Variants in GFPT1 observed in about 807,000 individuals in gnomAD.
GFPT1 encodes the protein glutamine--fructose-6-phosphate aminotransferase [isomerizing] 1.
Under a neutral mutation model 92.0 loss-of-function variants are expected in GFPT1, and 40 were observed. The ratio of observed to expected loss-of-function variants is 0.43; its 90% CI spans 0.34 to 0.57. The LOEUF is 0.57. Among genes scored for constraint, GFPT1 ranks in the 20% least tolerant of loss-of-function variants. The pLI, the probability that GFPT1 is intolerant of heterozygous loss-of-function variation, is 0.02. For missense variants in GFPT1, 448 were observed against 869.1 expected, an observed-to-expected ratio of 0.52 and a Z score of 6.09; for synonymous variants, 269 against 280.6, an observed-to-expected ratio of 0.96 and a Z score of 0.41.
chr2:69,364,166 T>TCTCA (rs1222876031), intron 3 of GFPT1, among the ~76,000 whole-genome samples: 1 of 150,044 alleles, frequency 6.7e-6, no homozygotes, highest in Non-Finnish European at 1.5e-5. Context: ...TATCAAGACA[T>TCTCA]CTCATGTACC....
chr2:69,348,179 A>T lies in GFPT1; in HGVS notation c.1001T>A (p.Ile334Asn), dbSNP rs1285177343. The T allele has an allele frequency of 1.2e-6, 2 of 1,613,408 alleles. No homozygotes were observed. The highest frequency in any genetic ancestry group is 1.3e-5 in the African/African-American group (1 of 74,906). The change falls in exon 11 of 20, where the codon ATC becomes AAC. Residue 334 changes from isoleucine to asparagine, a missense_variant. Ile to Asn is a moderately radical substitution (Grantham distance 149, BLOSUM62 -3). Transcript: ENST00000357308. ...ATGACAAAAACTTTCACCCTTCATGATCTGCTGGAGTTCCATCTGGAGTGT... is the reference window on the plus strand; with the variant it reads ...ATGACAAAAACTTTCACCCTTCATGTTCTGCTGGAGTTCCATCTGGAGTGT... ...VQTLQMELQQ[I>N]MKGNFSSFMQ...
chr2:69,383,305 G>A (rs1672052458), intron 1 of GFPT1, among the ~76,000 whole-genome samples: 2 of 152,072 alleles, frequency 1.3e-5, no homozygotes, highest in African/African-American at 2.4e-5. Flanking sequence ...ACCCTTTCCC[G>A]CCTTCTACTG....
chr2:69,330,052 T>C (rs1670623692), intron 15 of GFPT1, among the ~76,000 whole-genome samples: 1 of 151,586 alleles, frequency 6.6e-6, no homozygotes, highest in Admixed American at 6.6e-5. Flanking sequence ...ACCCTGTCTC[T>C]AAAAAAAATA....
chr2:69,371,430 A>C (rs1671745690), intron 2 of GFPT1: 1 of 152,048 alleles, frequency 6.6e-6, no homozygotes, highest in African/African-American at 2.4e-5. Context: ...TCTATCTAGG[A>C]AGAAACTTGT....
rs1210881801 is a variant in GFPT1 at position 69,326,907 on chromosome 2, G to GACTT, written c.2055+3_2055+6dup. On this transcript the variant is annotated splice_region_variant and intron_variant, in intron 19 of 19. Coordinates refer to ENST00000357308, the MANE Select transcript of GFPT1 (RefSeq NM_001244710.2). The stretch of plus-strand genomic sequence containing the variant: ...TCCCAAGATTTCTGCAGTGGTAGAT[G>GACTT]ACTTACATCATAGCCTCTCAGCACA... The GACTT allele has an allele frequency of 2.5e-6, 4 of 1,613,852 alleles. No homozygotes were observed. The South Asian group carries it at 4.4e-5, about 18-fold the overall frequency.
chr2:69,368,623 G>A (rs1286047836), intron 3 of GFPT1, among the ~76,000 whole-genome samples: 3 of 152,042 alleles, frequency 2.0e-5, no homozygotes, highest in Non-Finnish European at 2.9e-5. Flanking sequence ...CAGCCACTCG[G>A]GAGTCTGAAA....
chr2:69,360,987 G>T (rs1056285856), intron 4 of GFPT1, among the ~76,000 whole-genome samples: 1 of 151,890 alleles, frequency 6.6e-6, no homozygotes, highest in East Asian at 1.9e-4. Flanking sequence ...CACCTGCCTT[G>T]GCCTCCCAAA....
At chr2:69,379,652 C>T (rs1671959016) in intron 1 of GFPT1, among the ~76,000 whole-genome samples, 1 of 151,982 alleles carries the variant, frequency 6.6e-6, no homozygotes, top group Admixed American at 6.5e-5. Flanking sequence ...ATCCCCTCAT[C>T]TCAGCCTCCC....
intron 1 of GFPT1, among the ~76,000 whole-genome samples, chr2:69,385,929 G>A (rs1672118340): frequency 1.3e-5 from 2 of 150,372 alleles, no homozygotes; most frequent in African/African-American, 4.9e-5. Context: ...ATACACTAAC[G>A]AGTACAATCC....
Position 69,329,378 on chromosome 2 carries a change from T to C in GFPT1, c.1644A>G (p.Leu548=), listed in dbSNP as rs2104600073. The change falls in exon 17 of 20, where the codon CTA becomes CTG. Residue 548 remains leucine, a synonymous_variant. Coordinates refer to ENST00000357308, the MANE Select transcript of GFPT1 (RefSeq NM_001244710.2). ...VLSMDDEIQK[L]ATELYHQKSV... Reference sequence around the variant, plus strand: ...ACTTCTGATGATAAAGTTCTGTTGCTAGTTTCTGAATTTCGTCATCCATGC... The same window carrying C: ...ACTTCTGATGATAAAGTTCTGTTGCCAGTTTCTGAATTTCGTCATCCATGC... 1.2e-6 allele frequency: 2 copies of C among 1,611,858 alleles called. No homozygotes were observed. Among genetic ancestry groups the C allele is most frequent in the Non-Finnish European group, 1.7e-6 (2 of 1,177,932 alleles).
intron 9 of GFPT1, 48 bp from the exon 10 acceptor site, chr2:69,350,231 T>C (rs1193501899): frequency 8.4e-7 from 1 of 1,187,084 alleles, no homozygotes; most frequent in East Asian, 2.3e-5. Context: ...GAAAATCATG[T>C]CCAATGTAGA....
chr2:69,377,545 A>C (rs978104237), intron 1 of GFPT1, among the ~76,000 whole-genome samples: 3 of 151,580 alleles, frequency 2.0e-5, no homozygotes, highest in African/African-American at 7.3e-5. Flanking sequence ...CTGTAGTCTC[A>C]GCTACTCGGG....
At position 69,320,206 on chromosome 2, in the gene GFPT1, A is replaced by T. The variant is rs1670374391; in HGVS notation, c.*5983T>A. 6.6e-6 allele frequency: 1 copy of T among 152,252 alleles called. No homozygotes were observed. The highest frequency in any genetic ancestry group is 1.5e-5 in the Non-Finnish European group (1 of 68,042). 9.4% of individuals were successfully genotyped at this position (152,252 alleles called of 1,614,324 possible). The stretch of plus-strand genomic sequence containing the variant: ...CTAGACCTTTGCAGACGTTTAGAGT[A>T]CTGTACAATCTTAAATTATTGTTTA... On this transcript the variant is annotated 3_prime_UTR_variant, in exon 20 of 20. Transcript: ENST00000357308.
At chr2:69,372,963 G>A (rs766778164) in intron 2 of GFPT1, among the ~76,000 whole-genome samples, 4 of 152,184 alleles carry the variant, frequency 2.6e-5, no homozygotes, top group African/African-American at 7.2e-5. Flanking sequence ...TGCAAACAAA[G>A]TGGTTTATGC....
At chr2:69,339,960 C>T (rs1574052416) in intron 13 of GFPT1, among the ~76,000 whole-genome samples, 1 of 151,892 alleles carries the variant, frequency 6.6e-6, no homozygotes, top group East Asian at 1.9e-4. Context: ...AACCTTTTCA[C>T]CCAGTTTATA....
At chr2:69,327,317 G>A (rs556999560) in intron 18 of GFPT1, among the ~76,000 whole-genome samples, 8 of 152,266 alleles carry the variant, frequency 5.3e-5, no homozygotes, top group Non-Finnish European at 2.9e-5. Flanking sequence ...GTACTTGACT[G>A]CAGGTTTGCC....
intron 3 of GFPT1, among the ~76,000 whole-genome samples, chr2:69,367,342 T>C (rs549809434): frequency 7.5e-6 from 1 of 133,542 alleles, no homozygotes; most frequent in African/African-American, 3.1e-5. Context: ...TACAACTTAT[T>C]TTTTGTTGTT....
At chr2:69,336,590 A>C (rs1273589059) in intron 15 of GFPT1, among the ~76,000 whole-genome samples, 6 of 151,864 alleles carry the variant, frequency 4.0e-5, no homozygotes, top group African/African-American at 2.4e-5. Context: ...AAAAATGTGA[A>C]ATCATAAAAA....
rs918216799 is a variant in GFPT1 at position 69,325,035 on chromosome 2, A to G, written c.*1154T>C. The G allele has an allele frequency of 2.6e-5, 4 of 152,192 alleles. No individual in the cohort carries two copies. Among genetic ancestry groups the G allele is most frequent in the Non-Finnish European group, 5.9e-5 (4 of 68,016 alleles). The allele number at this position is 152,192 out of a possible 1,614,324, so 9.4% of individuals were successfully genotyped here. On this transcript the variant is annotated 3_prime_UTR_variant, in exon 20 of 20. Transcript: ENST00000357308. ...ATACAGAAGAGGAAAAATACTTAGG[A>G]TACAATACTAAATTTGGTGCCTATC...
Sources: gnomAD v4.1 joint callset for allele counts (sites outside exome capture counted in the v4.1 genomes callset) on GRCh38, gnomAD v4.1.1 for gene constraint, MANE v1.5 for transcripts, NCBI Gene and HGNC (gene_info 2026-07-23, HGNC 2026-07-21) for gene names.